JPH2: variants seen among roughly 807,000 people sequenced by gnomAD.
JPH2 encodes the protein junctophilin-2.
In JPH2, 38 loss-of-function variants were observed where a neutral mutation model predicts 55.9. The ratio of observed to expected loss-of-function variants is 0.68; its 90% CI spans 0.52 to 0.89. The LOEUF is 0.89. Among genes scored for constraint, JPH2 ranks in the 40% least tolerant of loss-of-function variants. The pLI, the probability that JPH2 is intolerant of heterozygous loss-of-function variation, is 0.00. For synonymous variants in JPH2, 480 were observed against 472.4 expected (o/e 1.02, Z -0.21); for missense variants, 964 against 1,037.6 (o/e 0.93, Z 0.97).
intron 4 of JPH2, 73 bp from the exon 5 acceptor site, chr20:44,114,949 G>T: frequency 3.4e-6 from 4 of 1,178,972 alleles, no homozygotes; most frequent in South Asian, 1.3e-5. Context: ...TCACAGCAAG[G>T]CTGGACAGAG....
intron 2 of JPH2, among the ~76,000 whole-genome samples, chr20:44,141,762 G>A (rs909123515): frequency 6.6e-6 from 1 of 152,080 alleles, no homozygotes; most frequent in Non-Finnish European, 1.5e-5. Flanking sequence ...TCCTGCCTCT[G>A]CCTCCCAAAG....
chr20:44,143,248 CA>C (rs2072470716), intron 2 of JPH2, among the ~76,000 whole-genome samples: 1 of 152,096 alleles, frequency 6.6e-6, no homozygotes, highest in African/African-American at 2.4e-5. Flanking sequence ...ACTTGGGGGC[CA>C]AAGGAAGGAA....
chr20:44,153,397 T>G (rs1467658326), intron 2 of JPH2, among the ~76,000 whole-genome samples: 2 of 152,150 alleles, frequency 1.3e-5, no homozygotes, highest in Non-Finnish European at 2.9e-5. Context: ...GAAGCCAGAT[T>G]CAAACCTAGG....
At chr20:44,165,097 A>G (rs921275910) in intron 1 of JPH2, among the ~76,000 whole-genome samples, 10 of 152,208 alleles carry the variant, frequency 6.6e-5, no homozygotes, top group African/African-American at 2.2e-4. Flanking sequence ...CTTGCCTCCC[A>G]AAGTGTTGGG....
At chr20:44,137,374 AGTCCTC>A (rs1237749764) in intron 2 of JPH2, among the ~76,000 whole-genome samples, 1 of 151,996 alleles carries the variant, frequency 6.6e-6, no homozygotes, top group Non-Finnish European at 1.5e-5. Flanking sequence ...GTGACAGCTG[AGTCCTC>A]CCAGCCCAGC....
At chr20:44,185,818 G>A (rs2072833667) in intron 1 of JPH2, among the ~76,000 whole-genome samples, 1 of 151,782 alleles carries the variant, frequency 6.6e-6, no homozygotes, top group African/African-American at 2.4e-5. Flanking sequence ...TGGGCAGGCA[G>A]GTGGGTGGAT....
chr20:44,147,172 A>C (rs1453433161), intron 2 of JPH2, among the ~76,000 whole-genome samples: 1 of 152,158 alleles, frequency 6.6e-6, no homozygotes, highest in African/African-American at 2.4e-5. Context: ...GTCCCTTGCA[A>C]AGGCCCACGT....
intron 1 of JPH2, among the ~76,000 whole-genome samples, chr20:44,168,781 A>T (rs1407608647): frequency 6.6e-6 from 1 of 152,196 alleles, no homozygotes; most frequent in African/African-American, 2.4e-5. Context: ...CGGAAATGCA[A>T]GTGCTATGGT....
At chr20:44,144,474 G>A (rs1287056350) in intron 2 of JPH2, among the ~76,000 whole-genome samples, 1 of 152,186 alleles carries the variant, frequency 6.6e-6, no homozygotes, top group East Asian at 1.9e-4. Flanking sequence ...GACGAGGAAA[G>A]GGAGGCTTAG....
intron 2 of JPH2, among the ~76,000 whole-genome samples, chr20:44,143,321 C>T (rs1247308506): frequency 1.3e-5 from 2 of 152,264 alleles, no homozygotes; most frequent in East Asian, 3.9e-4. Flanking sequence ...GTGTCTACCC[C>T]TAGTTTCCCC....
At position 44,117,071 on chromosome 20, in the gene JPH2, G is replaced by C. The variant is rs189041529; in HGVS notation, c.1289-685C>G. Among the ~76,000 whole-genome samples, 8 of 152,358 alleles carry C rather than the reference G, an allele frequency of 5.3e-5. No homozygotes were observed. The East Asian group carries it at 1.5e-3, about 29-fold the overall frequency. On this transcript the variant is annotated intron_variant, in intron 3 of 5. Coordinates refer to ENST00000372980, the MANE Select transcript of JPH2 (RefSeq NM_020433.5). ...CGAGGCGCGCGGATCACAAGGTCAG[G>C]AGATCGAGACGATCCTGGCCAACAT...
intron 2 of JPH2, among the ~76,000 whole-genome samples, chr20:44,129,101 T>A (rs530150706): frequency 6.6e-6 from 1 of 152,288 alleles, no homozygotes; most frequent in Non-Finnish European, 1.5e-5. Flanking sequence ...TTGGGGATTC[T>A]GAGGTTGGGG....
In JPH2 at chr20:44,109,180, T is replaced by C. The variant is rs369133330; in HGVS notation, c.*4338A>G. 2.0e-5 allele frequency among the ~76,000 whole-genome samples: 3 copies of C among 152,330 alleles called. No individual in the cohort carries two copies. The highest frequency in any genetic ancestry group is 6.5e-5 in the Admixed American group (1 of 15,306). On this transcript the variant is annotated 3_prime_UTR_variant, in exon 6 of 6. Transcript: ENST00000372980. ...GCTCTGGGTTTCAGTCCCAGCTCTG[T>C]CCTTCCCTCTCTGTGATACCTTGAA...
At chr20:44,156,361 A>G (rs1483271106) in intron 2 of JPH2, among the ~76,000 whole-genome samples, 2 of 152,198 alleles carry the variant, frequency 1.3e-5, no homozygotes, top group Non-Finnish European at 2.9e-5. Flanking sequence ...ATTCCCACCT[A>G]AAAGTTTTAT....
chr20:44,121,500 T>C (rs543102673), intron 2 of JPH2, among the ~76,000 whole-genome samples: 8 of 152,286 alleles, frequency 5.3e-5, no homozygotes, highest in African/African-American at 1.9e-4. Context: ...CGGTCCCTAC[T>C]TCACAGGTGG....
intron 5 of JPH2, among the ~76,000 whole-genome samples, 175 bp from the exon 6 acceptor site, chr20:44,113,678 TC>T (rs2072164039): frequency 6.6e-6 from 1 of 152,156 alleles, no homozygotes; most frequent in African/African-American, 2.4e-5. Context: ...CACAAACGGG[TC>T]CCCGAGGCCT....
chr20:44,116,416 C>A, intron 3 of JPH2, 30 bp from the exon 4 acceptor site: 1 of 1,544,332 alleles, frequency 6.5e-7, no homozygotes, highest in Non-Finnish European at 8.7e-7. Flanking sequence ...AGGCTGGGCT[C>A]GAACCCCGCA....
chr20:44,115,705 T>A lies in JPH2; in HGVS notation c.1970A>T (p.Glu657Val). Residue 657 changes from glutamate (E) to valine (V), a missense_variant, in exon 4 of 6, where the codon GAG (glutamate) becomes GTG (valine). Coordinates refer to ENST00000372980, the MANE Select transcript of JPH2 (RefSeq NM_020433.5). ...KAGAKKKARKEAALAAEAEVE... is the reference protein window; with the variant it reads ...KAGAKKKARKVAALAAEAEVE... Reference sequence around the variant, plus strand: ...CTCCGCCTCTGCCGCCAGTGCGGCCTCCTTCCGCGCCTTCTTCTTGGCCCC... The same window carrying A: ...CTCCGCCTCTGCCGCCAGTGCGGCCACCTTCCGCGCCTTCTTCTTGGCCCC... 1 of 1,613,376 alleles carries A rather than the reference T, an allele frequency of 6.2e-7. No individual in the cohort carries two copies. The highest frequency in any genetic ancestry group is 1.1e-5 in the South Asian group (1 of 91,044).
At chr20:44,138,194 G>C (rs1232156727) in intron 2 of JPH2, among the ~76,000 whole-genome samples, 1 of 151,892 alleles carries the variant, frequency 6.6e-6, no homozygotes, top group African/African-American at 2.4e-5. Context: ...TTTTAGTAGA[G>C]ACGGGGTTTC....
Sources: allele counts gnomAD v4.1 joint callset (sites outside exome capture counted in the v4.1 genomes callset), GRCh38; gene constraint gnomAD v4.1.1; transcripts MANE v1.5; gene names NCBI Gene and HGNC (gene_info 2026-07-23, HGNC 2026-07-21).